The following CCDC102B variants were observed in gnomAD, a reference collection of about 807,000 sequenced individuals.
CCDC102B encodes the protein coiled-coil domain containing 102B, also known as coiled-coil domain-containing protein 102B.
A neutral mutation model predicts 57.4 loss-of-function variants in CCDC102B; 75 were observed. That is an observed-to-expected ratio of 1.31 (90% CI 1.08 to 1.58). CCDC102B has a LOEUF of 1.58. Among genes scored for constraint, CCDC102B ranks in the 40% most tolerant of loss-of-function variants. The probability of loss-of-function intolerance (pLI) is 0.00; values close to 1 mark genes in which losing one functional copy is unlikely to be tolerated. For missense variants in CCDC102B, 636 were observed against 582.6 expected (o/e 1.09, Z -0.94); for synonymous variants, 206 against 201.9 (o/e 1.02, Z -0.17).
chr18:68,723,570 GGCCCCAT>G (rs1179087614), intron 2 of CCDC102B, among the ~76,000 whole-genome samples: 4 of 152,132 alleles, frequency 2.6e-5, no homozygotes, highest in Admixed American at 2.0e-4. Flanking sequence ...AGGGGATACG[GGCCCCAT>G]GCAAGTCCGA....
downstream of CCDC102B, among the ~76,000 whole-genome samples, chr18:69,057,937 A>G (rs921615147): frequency 3.3e-5 from 5 of 151,936 alleles, no homozygotes; most frequent in Non-Finnish European, 5.9e-5. Context: ...GAATGATCTC[A>G]TCACCCAATT....
At chr18:68,953,692 A>T (rs2049765784) in intron 6 of CCDC102B, among the ~76,000 whole-genome samples, 1 of 152,128 alleles carries the variant, frequency 6.6e-6, no homozygotes, top group African/African-American at 2.4e-5. Context: ...CTCTCATTAC[A>T]TGTTCTTACC....
chr18:68,984,157 C>T (rs1005482268), intron 6 of CCDC102B, among the ~76,000 whole-genome samples: 25 of 150,156 alleles, frequency 1.7e-4, no homozygotes, highest in Admixed American at 1.0e-3. Context: ...GTTACCTTTG[C>T]AACAAAGATG....
chr18:68,847,676 G>C (rs1353504154), intron 4 of CCDC102B, among the ~76,000 whole-genome samples: 1 of 151,710 alleles, frequency 6.6e-6, no homozygotes, highest in Non-Finnish European at 1.5e-5. Flanking sequence ...GTGTAAGGTG[G>C]ATCTGATGAC....
chr18:68,942,702 TTTTACATGGAG>T (rs1377204325), intron 6 of CCDC102B, among the ~76,000 whole-genome samples: 9 of 152,036 alleles, frequency 5.9e-5, no homozygotes, highest in African/African-American at 2.2e-4. Context: ...TACAATCGGG[TTTTACATGGAG>T]ACATTCCATT....
intron 6 of CCDC102B, among the ~76,000 whole-genome samples, chr18:68,998,072 A>T (rs1268426177): frequency 1.3e-5 from 2 of 151,834 alleles, no homozygotes; most frequent in Admixed American, 6.6e-5. Flanking sequence ...CCACGGTTTC[A>T]CTTGGCAATT....
intron 6 of CCDC102B, among the ~76,000 whole-genome samples, chr18:68,964,884 G>T (rs1025759648): frequency 6.6e-6 from 1 of 151,582 alleles, no homozygotes; most frequent in Admixed American, 6.6e-5. Context: ...TTTTCCCTCA[G>T]TTCTCTTTTC....
intron 5 of CCDC102B, among the ~76,000 whole-genome samples, chr18:68,881,753 T>A (rs1175808235): frequency 6.6e-6 from 1 of 152,132 alleles, no homozygotes; most frequent in East Asian, 1.9e-4. Context: ...GCTTCTATAA[T>A]TTCATGAGCC....
At chr18:68,910,265 C>T (rs2040793052) in intron 6 of CCDC102B, among the ~76,000 whole-genome samples, 1 of 152,104 alleles carries the variant, frequency 6.6e-6, no homozygotes, top group African/African-American at 2.4e-5. Context: ...TGCACTCCAG[C>T]CTGGGCAACA....
chr18:68,872,597 C>G (rs1018461221), intron 4 of CCDC102B, among the ~76,000 whole-genome samples: 2 of 151,460 alleles, frequency 1.3e-5, no homozygotes, highest in Admixed American at 6.6e-5. Context: ...CCAGTTTTTT[C>G]TCTCCATTTC....
intron 2 of CCDC102B, among the ~76,000 whole-genome samples, chr18:68,735,628 A>C (rs1488870321): frequency 6.6e-6 from 1 of 152,110 alleles, no homozygotes; most frequent in Non-Finnish European, 1.5e-5. Context: ...CCAAAGGCAA[A>C]TCTGGCAATG....
rs1280582771 is a variant in CCDC102B at position 68,894,835 on chromosome 18, ATCTT to A, written c.1054-2383_1054-2380del. ...CTGCTAAAATCATTACTTAAAAAAA[ATCTT>A]AAGAGTTAAAATTTATTCATTCAGA... On this transcript the variant is annotated intron_variant, in intron 5 of 7. Transcript: ENST00000360242. Among the ~76,000 whole-genome samples, 3 of 152,018 alleles carry A rather than the reference ATCTT, an allele frequency of 2.0e-5. No individual in the cohort carries two copies. The East Asian group carries it at 5.8e-4, about 29-fold the overall frequency.
At chr18:68,866,994 C>T (rs112902408) in intron 4 of CCDC102B, 23 of 359,724 alleles carry the variant, frequency 6.4e-5, no homozygotes, top group African/African-American at 4.2e-4. Context: ...TTGGTTCTTA[C>T]TGTGTTGTGG....
downstream of CCDC102B, among the ~76,000 whole-genome samples, chr18:69,056,636 AATAGATAGATAGATAGATAG>A (rs71176933): frequency 1.6e-5 from 2 of 121,918 alleles, no homozygotes; most frequent in Non-Finnish European, 3.7e-5. Context: ...ATAGATAGAT[AATAGATAGATAGATAGATAG>A]ATAGATAGAT....
At chr18:68,732,110 A>T (rs1002699296) in intron 2 of CCDC102B, among the ~76,000 whole-genome samples, 3 of 150,766 alleles carry the variant, frequency 2.0e-5, no homozygotes, top group African/African-American at 7.3e-5. Context: ...AAAGTTCAGA[A>T]AATGGAGAAG....
rs1455294915 is a variant in CCDC102B at position 68,858,699 on chromosome 18, A to G, written c.936+12278A>G. ...GTTATTCTCTGTGATTTGGCCATCT[A>G]TCTTTGCTAACTGGCACCCATTGAA... On this transcript the variant is annotated intron_variant, in intron 4 of 7. Coordinates refer to ENST00000360242, the MANE Select transcript of CCDC102B (RefSeq NM_024781.3). Among the ~76,000 whole-genome samples the G allele has an allele frequency of 2.6e-5, 4 of 152,138 alleles. No individual in the cohort carries two copies. In the East Asian group the frequency reaches 5.8e-4, roughly 22 times the overall value.
intron 7 of CCDC102B, among the ~76,000 whole-genome samples, chr18:69,022,223 A>ATATATATATATATATAAC (rs1160074383): frequency 2.0e-5 from 2 of 100,550 alleles, no homozygotes; most frequent in African/African-American, 8.7e-5. Flanking sequence ...ATATATATAT[A>ATATATATATATATATAAC]ACACACACAC....
At chr18:68,787,917 TG>T (rs1211983802) in intron 2 of CCDC102B, among the ~76,000 whole-genome samples, 1 of 151,094 alleles carries the variant, frequency 6.6e-6, no homozygotes, top group South Asian at 2.1e-4. Context: ...TTAATTGTGA[TG>T]TTAGGGTGTC....
intron 2 of CCDC102B, chr18:68,721,438 A>G (rs1935457992): frequency 6.6e-6 from 1 of 152,202 alleles, no homozygotes; most frequent in Non-Finnish European, 1.5e-5. Context: ...AGGTCAGATT[A>G]GTTTTGAACT....
Sources: allele counts gnomAD v4.1 joint callset (sites outside exome capture counted in the v4.1 genomes callset), GRCh38; gene constraint gnomAD v4.1.1; transcripts MANE v1.5; gene names NCBI Gene and HGNC (gene_info 2026-07-23, HGNC 2026-07-21).